Variants in UNC13B observed in about 807,000 individuals in gnomAD.
The protein encoded by UNC13B is protein unc-13 homolog B.
In UNC13B, 144 loss-of-function variants were observed where a neutral mutation model predicts 211.0. The ratio of observed to expected loss-of-function variants is 0.68; its 90% CI spans 0.60 to 0.78. The LOEUF (loss-of-function observed/expected upper bound fraction) is 0.78. Ranked by LOEUF, UNC13B falls within the 30% of genes least tolerant of loss-of-function variation. The pLI is 0.00. For missense variants in UNC13B, 1,777 were observed against 2,002.0 expected (o/e 0.89, Z 2.14); for synonymous variants, 709 against 725.8 (o/e 0.98, Z 0.37).
rs1294357810 is a variant in UNC13B at position 35,306,581 on chromosome 9, A to G, written c.7177A>G (p.Thr2393Ala). The G allele has an allele frequency of 1.0e-5, 4 of 398,906 alleles. No individual in the cohort carries two copies. The highest frequency in any genetic ancestry group is 1.8e-5 in the Non-Finnish European group (4 of 226,064). 24.7% of individuals were successfully genotyped at this position (398,906 alleles called of 1,614,324 possible). ...AAAATTCAATGATTTAGACACTTGT[A>G]CTAACTGCCACCAAAATGAGAAATT... ...IEKFNDLDTCTNCHQNEKFTT... is the reference protein window; with the variant it reads ...IEKFNDLDTCANCHQNEKFTT... The change falls in exon 9 of 40, where the codon ACT (threonine) becomes GCT (alanine). Residue 2393 changes from threonine (T) to alanine (A), a missense_variant. Transcript: ENST00000635942.
intron 11 of UNC13B, among the ~76,000 whole-genome samples, chr9:35,358,792 C>T (rs906192528): frequency 6.8e-6 from 1 of 147,790 alleles, no homozygotes; most frequent in Non-Finnish European, 1.5e-5. Flanking sequence ...CTCCTGAGTT[C>T]GAGCAATTCT....
intron 1 of UNC13B, among the ~76,000 whole-genome samples, chr9:35,219,911 A>G (rs986240284): frequency 3.3e-5 from 5 of 152,086 alleles, no homozygotes; most frequent in Non-Finnish European, 5.9e-5. Flanking sequence ...CTATTTGTCT[A>G]TCATGCAGAT....
At chr9:35,320,659 C>T (rs2131908449) in intron 11 of UNC13B, among the ~76,000 whole-genome samples, 1 of 152,298 alleles carries the variant, frequency 6.6e-6, no homozygotes, top group East Asian at 1.9e-4. Context: ...AAAACCCAGT[C>T]AGCTGTCAGT....
chr9:35,366,879 G>C, intron 11 of UNC13B, 68 bp from the exon 12 acceptor site: 1 of 1,367,144 alleles, frequency 7.3e-7, no homozygotes. Context: ...TCTACTGCTC[G>C]CTGCTCAGAT....
Position 35,249,416 on chromosome 9 carries a change from T to C in UNC13B, c.468+6052T>C, listed in dbSNP as rs751478923. Reference sequence around the variant, plus strand: ...TGTCATTATGATGTTAGCTGGTTAGTTTGCTCGTTAGTTGATGCAGTTTCT... The same window carrying C: ...TGTCATTATGATGTTAGCTGGTTAGCTTGCTCGTTAGTTGATGCAGTTTCT... On this transcript the variant is annotated intron_variant, in intron 6 of 39. Coordinates refer to ENST00000635942, the MANE Select transcript of UNC13B (RefSeq NM_001371189.2). Among the ~76,000 whole-genome samples, 3 of 152,218 alleles carry C rather than the reference T, an allele frequency of 2.0e-5. 1 individual carries two copies. The highest frequency in any genetic ancestry group is 2.4e-5 in the African/African-American group (1 of 41,460).
In UNC13B at chr9:35,396,831, G is replaced by A. The variant is rs776535700; in HGVS notation, c.11436-10G>A. On this transcript the variant is annotated splice_polypyrimidine_tract_variant and intron_variant, in intron 27 of 39. Transcript: ENST00000635942. ...AGTTCTAAGCCCCTGTTCTCCTGCT[G>A]TGGCTGCAGGTGGTTTGAGCAGTTC... is the stretch of plus-strand genomic sequence containing the variant. 51 of 1,614,074 alleles carry A rather than the reference G, an allele frequency of 3.2e-5. No homozygotes were observed. Among genetic ancestry groups the A allele is most frequent in the Non-Finnish European group, 4.2e-5 (50 of 1,180,038 alleles).
At chr9:35,339,801 T>A (rs1831876845) in intron 11 of UNC13B, among the ~76,000 whole-genome samples, 1 of 152,248 alleles carries the variant, frequency 6.6e-6, no homozygotes, top group South Asian at 2.1e-4. Context: ...CAGGGTGGGT[T>A]CCATTAGCCT....
intron 1 of UNC13B, among the ~76,000 whole-genome samples, chr9:35,212,814 CA>C (rs1824043093): frequency 6.6e-6 from 1 of 152,172 alleles, no homozygotes; most frequent in African/African-American, 2.4e-5. Context: ...GCTTTAAGAA[CA>C]TGAGAGTTGG....
intron 11 of UNC13B, among the ~76,000 whole-genome samples, chr9:35,331,319 G>A (rs1251460551): frequency 6.6e-6 from 1 of 152,140 alleles, no homozygotes; most frequent in Non-Finnish European, 1.5e-5. Flanking sequence ...CGTGATCTCG[G>A]CTGACTGCAA....
chr9:35,303,814 A>G lies in UNC13B; in HGVS notation c.4410A>G (p.Glu1470=), dbSNP rs1829798171. 3 of 398,848 alleles carry G rather than the reference A, an allele frequency of 7.5e-6. No individual in the cohort carries two copies. The East Asian group carries it at 1.1e-4, about 14-fold the overall frequency. 24.7% of individuals were successfully genotyped at this position (398,848 alleles called of 1,614,324 possible). A position where few individuals can be genotyped will look rare whatever the true frequency, so the allele number is the denominator to read the frequency against. ...ATGAGGCTAATAATTCACTAGAAGA[A>G]TTACCCATTGACTTAAGTTCTTCAT... ...PINEANNSLE[E]LPIDLSSSSD... is the part of the protein sequence containing the mutation. The change falls in exon 9 of 40, where the codon GAA becomes GAG. Residue 1470 remains glutamate (E), a synonymous_variant. Transcript: ENST00000635942.
intron 7 of UNC13B, among the ~76,000 whole-genome samples, chr9:35,278,514 T>C (rs1828301001): frequency 6.6e-6 from 1 of 152,154 alleles, no homozygotes; most frequent in South Asian, 2.1e-4. Context: ...ACTTCTTCAA[T>C]GTCCTCTATT....
At chr9:35,266,294 C>G (rs917533901) in intron 7 of UNC13B, among the ~76,000 whole-genome samples, 2 of 152,186 alleles carry the variant, frequency 1.3e-5, no homozygotes, top group Non-Finnish European at 2.9e-5. Context: ...GTGGATGGCC[C>G]CTCCACTACC....
chr9:35,213,422 A>G (rs751824832), intron 1 of UNC13B, among the ~76,000 whole-genome samples: 40 of 152,286 alleles, frequency 2.6e-4, no homozygotes, highest in Non-Finnish European at 4.4e-4. Flanking sequence ...TGGCATCTTG[A>G]TCTTGGACTT....
At chr9:35,234,943 G>A (rs1043805992) in intron 3 of UNC13B, among the ~76,000 whole-genome samples, 7 of 152,116 alleles carry the variant, frequency 4.6e-5, no homozygotes, top group African/African-American at 1.7e-4. Flanking sequence ...AATAGCTGTT[G>A]TTTTCCTGAG....
Position 35,305,507 on chromosome 9 carries a change from A to G in UNC13B, c.6103A>G (p.Ile2035Val), listed in dbSNP as rs867246793. ...QGAGNFPAAP[I>V]SSKGKARVRR... ...TGCTGGGAACTTTCCTGCTGCACCAATTTCCTCTAAAGGGAAGGCTAGAGT... is the reference window on the plus strand; with the variant it reads ...TGCTGGGAACTTTCCTGCTGCACCAGTTTCCTCTAAAGGGAAGGCTAGAGT... Residue 2035 changes from isoleucine (I) to valine (V), a missense_variant, in exon 9 of 40, where the codon ATT (isoleucine) becomes GTT (valine). By Grantham distance (29) the Ile-to-Val change is conservative. Coordinates refer to ENST00000635942, the MANE Select transcript of UNC13B (RefSeq NM_001371189.2). 7 of 398,872 alleles carry G rather than the reference A, an allele frequency of 1.8e-5. No homozygotes were observed. Among genetic ancestry groups the G allele is most frequent in the Non-Finnish European group, 2.7e-5 (6 of 226,028 alleles). The allele number at this position is 398,872 out of a possible 1,614,324, so 24.7% of individuals were successfully genotyped here.
chr9:35,352,281 A>C, intron 11 of UNC13B: 1 of 1,232,204 alleles, frequency 8.1e-7, no homozygotes, highest in East Asian at 3.2e-5. Flanking sequence ...AATGGCATGC[A>C]GTGCAACAGG....
In UNC13B at chr9:35,308,092, A is replaced by C. The variant is rs1310788203; in HGVS notation, c.8688A>C (p.Lys2896Asn). 5.0e-6 allele frequency: 2 copies of C among 399,034 alleles called. No individual in the cohort carries two copies. The allele number at this position is 399,034 out of a possible 1,614,324, so 24.7% of individuals were successfully genotyped here. A position where few individuals can be genotyped will look rare whatever the true frequency, so the allele number is the denominator to read the frequency against. ...CTGGGGCCAGTGCTCAGCCAGGTAA[A>C]GTCTACACTCAGCCCTCTGGGACCT... ...QISGASAQPG[K>N]VYTQPSGTSE... Residue 2896 changes from lysine (K) to asparagine (N), a missense_variant, in exon 9 of 40, where the codon AAA becomes AAC. Lys to Asn is a moderately conservative substitution (Grantham distance 94). Coordinates refer to ENST00000635942, the MANE Select transcript of UNC13B (RefSeq NM_001371189.2).
At position 35,383,712 on chromosome 9, in the gene UNC13B, G is replaced by A. The variant is rs113078817; in HGVS notation, c.10807-534G>A. ...TTAACATTTAAAAAGTATACACTAT[G>A]GGAAATGTGTGTGGAATGTGGTTTA... On this transcript the variant is annotated intron_variant, in intron 21 of 39. Transcript: ENST00000635942. Among the ~76,000 whole-genome samples, 654 of 152,176 alleles carry A rather than the reference G, an allele frequency of 4.3e-3. 8 individuals carry two copies. Among genetic ancestry groups the A allele is most frequent in the African/African-American group, 0.014 (592 of 41,518 alleles).
intron 25 of UNC13B, 49 bp downstream of exon 25, chr9:35,390,022 T>G: frequency 6.2e-7 from 1 of 1,606,736 alleles, no homozygotes; most frequent in Non-Finnish European, 8.5e-7. Context: ...GGTCTGTCCA[T>G]CTGTCTAACA....
Sources: gnomAD v4.1 joint callset for allele counts (sites outside exome capture counted in the v4.1 genomes callset) on GRCh38, gnomAD v4.1.1 for gene constraint, MANE v1.5 for transcripts, NCBI Gene and HGNC (gene_info 2026-07-23, HGNC 2026-07-21) for gene names.